PIK3R5: variants seen among roughly 807,000 people sequenced by gnomAD.
PIK3R5 encodes phosphoinositide-3-kinase regulatory subunit 5, also known as phosphoinositide 3-kinase regulatory subunit 5.
PIK3R5 carries 32 observed loss-of-function variants against 94.9 expected under a neutral mutation model. The observed-to-expected ratio is 0.34, with a 90% CI of 0.25 to 0.45. The LOEUF (loss-of-function observed/expected upper bound fraction) is 0.45. PIK3R5 is among the 20% of genes least tolerant of loss of function. The pLI, the probability that PIK3R5 is intolerant of heterozygous loss-of-function variation, is 1.00. For missense variants in PIK3R5, 853 were observed against 1,144.6 expected (o/e 0.75, Z 3.68); for synonymous variants, 443 against 479.4 (o/e 0.92, Z 0.99).
intron 1 of PIK3R5, among the ~76,000 whole-genome samples, chr17:8,963,958 T>C (rs2091613166): frequency 6.6e-6 from 1 of 152,116 alleles, no homozygotes; most frequent in South Asian, 2.1e-4. Flanking sequence ...CAAAACTGTC[T>C]TCTTTGTCTT....
intron 1 of PIK3R5, among the ~76,000 whole-genome samples, chr17:8,915,368 G>A (rs1334754664): frequency 6.6e-6 from 1 of 150,416 alleles, no homozygotes; most frequent in African/African-American, 2.5e-5. Flanking sequence ...AGGTTGCGGT[G>A]AGCCAAGATC....
chr17:8,951,799 G>A (rs2091381918), intron 1 of PIK3R5, among the ~76,000 whole-genome samples: 1 of 152,196 alleles, frequency 6.6e-6, no homozygotes, highest in Non-Finnish European at 1.5e-5. Flanking sequence ...TTCAAATGTG[G>A]ATGAGACTCA....
rs568723411 is a variant in PIK3R5 at position 8,914,237 on chromosome 17, T to A, written c.-13-2730A>T. Among the ~76,000 whole-genome samples the A allele has an allele frequency of 2.6e-5, 4 of 152,258 alleles. No individual in the cohort carries two copies. In the East Asian group the frequency reaches 7.7e-4, roughly 29 times the overall value. ...GGCCTCCCCAGCAAGTCCCTCATTT[T>A]ACAGAAGGGGAGGCTGAGGTCCAGG... On this transcript the variant is annotated intron_variant, in intron 1 of 18. Transcript: ENST00000447110.
chr17:8,887,371 A>C (rs2089890713), intron 11 of PIK3R5, 150 bp from the exon 12 acceptor site: 4 of 1,339,228 alleles, frequency 3.0e-6, no homozygotes, highest in Non-Finnish European at 4.1e-6. Context: ...TCATATGGCA[A>C]AATGTCATGT....
intron 1 of PIK3R5, among the ~76,000 whole-genome samples, chr17:8,947,734 T>C (rs1281960728): frequency 1.3e-5 from 2 of 152,078 alleles, no homozygotes; most frequent in Non-Finnish European, 2.9e-5. Context: ...GAGCGTATCA[T>C]GAAAGCAAGC....
chr17:8,962,803 T>C (rs2091589983), intron 1 of PIK3R5, among the ~76,000 whole-genome samples: 2 of 152,346 alleles, frequency 1.3e-5, no homozygotes, highest in Admixed American at 1.3e-4. Flanking sequence ...TTTTACTATG[T>C]AATATATGTT....
rs559179350 is a variant in PIK3R5 at position 8,945,591 on chromosome 17, G to A, written c.-14+20005C>T. Among the ~76,000 whole-genome samples, 2 of 152,046 alleles carry A rather than the reference G, an allele frequency of 1.3e-5. No homozygotes were observed. Among genetic ancestry groups the A allele is most frequent in the African/African-American group, 4.8e-5 (2 of 41,418 alleles). ...GCAAAGCAGACATCTCAAATCCACC[G>A]TAGTCCAGAAACAACACAAAATGAG... is the stretch of plus-strand genomic sequence containing the variant. On this transcript the variant is annotated intron_variant, in intron 1 of 18. Transcript: ENST00000447110. This position sits in a 1 kb window ranked among gnomAD's most constrained non-coding sequence, Gnocchi z 4.0.
chr17:8,957,244 C>T (rs1379418090), intron 1 of PIK3R5, among the ~76,000 whole-genome samples: 3 of 152,192 alleles, frequency 2.0e-5, no homozygotes, highest in Admixed American at 2.0e-4. Flanking sequence ...TCCCTGCATA[C>T]TTCCCCAACG....
At chr17:8,947,967 C>T (rs576678069) in intron 1 of PIK3R5, among the ~76,000 whole-genome samples, 3 of 148,966 alleles carry the variant, frequency 2.0e-5, no homozygotes, top group Admixed American at 6.7e-5. Context: ...GGTGTGAACC[C>T]GGGAGGCGGA....
intron 1 of PIK3R5, among the ~76,000 whole-genome samples, chr17:8,944,571 T>C (rs1245704363): frequency 6.6e-6 from 1 of 152,254 alleles, no homozygotes; most frequent in African/African-American, 2.4e-5. Context: ...TATTCTGGAA[T>C]GATGAGGTTG....
rs201429306 is a variant in PIK3R5 at position 8,881,599 on chromosome 17, G to A, written c.2382+31C>T. The A allele has an allele frequency of 6.5e-7, 1 of 1,548,772 alleles. No homozygotes were observed. The highest frequency in any genetic ancestry group is 2.3e-5 in the East Asian group (1 of 44,310). ...TGCACGCTCCAGTAAGTCTCTTGAGGGTATGGCTGGAAGGAGAGGGAAGCC... is the reference window on the plus strand; with the variant it reads ...TGCACGCTCCAGTAAGTCTCTTGAGAGTATGGCTGGAAGGAGAGGGAAGCC... On this transcript the variant is annotated intron_variant, in intron 17 of 18. Transcript: ENST00000447110. This position sits in a 1 kb window ranked among gnomAD's most constrained non-coding sequence, Gnocchi z 4.8.
chr17:8,959,119 A>C (rs781336735), intron 1 of PIK3R5, among the ~76,000 whole-genome samples: 7 of 152,196 alleles, frequency 4.6e-5, no homozygotes, highest in Non-Finnish European at 7.3e-5. Flanking sequence ...TGAGAAATCC[A>C]ACAACAGAGC....
In PIK3R5 at chr17:8,882,017, G is replaced by T; in HGVS notation, c.2206-136C>A. ...AGAAAGCCCTCTCTTATTCACCAGGGCCCCTGTACCACCCTGGATAGACCT... is the reference window on the plus strand; with the variant it reads ...AGAAAGCCCTCTCTTATTCACCAGGTCCCCTGTACCACCCTGGATAGACCT... On this transcript the variant is annotated intron_variant, in intron 15 of 18. Transcript: ENST00000447110. The surrounding 1 kb of genome is among the most constrained non-coding windows in gnomAD (Gnocchi z 4.1). 2.9e-6 allele frequency: 2 copies of T among 680,888 alleles called. No individual in the cohort carries two copies. The highest frequency in any genetic ancestry group is 1.7e-5 in the South Asian group (1 of 58,578). The allele number at this position is 680,888 out of a possible 1,614,324, so 42.2% of individuals were successfully genotyped here. A position where few individuals can be genotyped will look rare whatever the true frequency, so the allele number is the denominator to read the frequency against.
intron 1 of PIK3R5, among the ~76,000 whole-genome samples, chr17:8,965,353 G>A (rs1046854881): frequency 5.3e-5 from 8 of 152,234 alleles, no homozygotes; most frequent in Non-Finnish European, 8.8e-5. Context: ...CCCGGATAAC[G>A]ATAAGTGGTC....
chr17:8,907,171 G>A (rs1378889899), intron 3 of PIK3R5, among the ~76,000 whole-genome samples: 2 of 151,740 alleles, frequency 1.3e-5, no homozygotes, highest in Non-Finnish European at 2.9e-5. Context: ...TTACAAGCAC[G>A]TGCCACCATA....
intron 1 of PIK3R5, among the ~76,000 whole-genome samples, chr17:8,926,405 A>C (rs2090884932): frequency 6.6e-6 from 1 of 152,224 alleles, no homozygotes; most frequent in South Asian, 2.1e-4. Context: ...ATGTCAAAAG[A>C]AAAACTACCC....
chr17:8,952,645 A>T (rs2151474382), intron 1 of PIK3R5, among the ~76,000 whole-genome samples: 1 of 152,386 alleles, frequency 6.6e-6, no homozygotes, highest in East Asian at 1.9e-4. Flanking sequence ...TAAATGAATT[A>T]GGGGTAATCT....
chr17:8,882,277 T>C lies in PIK3R5; in HGVS notation c.2206-396A>G, dbSNP rs2089688971. On this transcript the variant is annotated intron_variant, in intron 15 of 18. Coordinates refer to ENST00000447110, the MANE Select transcript of PIK3R5 (RefSeq NM_001142633.3). The surrounding 1 kb of genome is among the most constrained non-coding windows in gnomAD (Gnocchi z 4.1). The stretch of plus-strand genomic sequence containing the variant: ...ATGTCTCTGTCATCAGGGACCTCCA[T>C]GTTGTTAAACCGAAGAACACTTCTT... 1.4e-5 allele frequency: 3 copies of C among 216,814 alleles called. 1 individual carries two copies. The South Asian group carries it at 2.3e-4, about 17-fold the overall frequency. The allele number at this position is 216,814 out of a possible 1,614,324, so 13.4% of individuals were successfully genotyped here.
At position 8,887,493 on chromosome 17, in the gene PIK3R5, CGA is replaced by C. The variant is rs113801389; in HGVS notation, c.1779+26_1779+27del. On this transcript the variant is annotated intron_variant, in intron 11 of 18. Coordinates refer to ENST00000447110, the MANE Select transcript of PIK3R5 (RefSeq NM_001142633.3). The stretch of plus-strand genomic sequence containing the variant: ...CAGGTAGCCAGAACTCTACTTTCCC[CGA>C]CCATTGGCCCAGGCTGGGGACATAC... The C allele has an allele frequency of 5.5e-3, 8,740 of 1,583,600 alleles. 404 individuals carry two copies. The African/African-American group carries it at 0.099, about 18-fold the overall frequency.
Sources: gnomAD v4.1 joint callset for allele counts (sites outside exome capture counted in the v4.1 genomes callset) on GRCh38, gnomAD v4.1.1 for gene constraint, Gnocchi (gnomAD v3.1) non-coding constraint, MANE v1.5 for transcripts, NCBI Gene and HGNC (gene_info 2026-07-23, HGNC 2026-07-21) for gene names.